Variants in TBC1D22B observed in about 807,000 individuals in gnomAD.
TBC1D22B encodes chromosome 6 open reading frame 197.
In TBC1D22B, 32 loss-of-function variants were observed where a neutral mutation model predicts 69.1. The observed-to-expected ratio is 0.46, with a 90% CI of 0.35 to 0.62. The LOEUF is 0.62. Among genes scored for constraint, TBC1D22B ranks in the 20% least tolerant of loss-of-function variants. The pLI is 0.00. For missense variants in TBC1D22B, 462 were observed against 630.9 expected (o/e 0.73, Z 2.87); for synonymous variants, 206 against 229.8 (o/e 0.90, Z 0.94).
rs867279045 is a variant in TBC1D22B at position 37,327,347 on chromosome 6, G to C, written c.1390-3697G>C. On this transcript the variant is annotated intron_variant, in intron 12 of 12. Transcript: ENST00000373491. ...CAAAAAATTAGCCGGGCGTGGTGGT[G>C]GGCGCCTGTAGTCCCAGCTGCTCGG... is the stretch of plus-strand genomic sequence containing the variant. Among the ~76,000 whole-genome samples the C allele has an allele frequency of 3.7e-5, 5 of 134,488 alleles. 1 individual carries two copies. Among genetic ancestry groups the C allele is most frequent in the East Asian group, 2.0e-4 (1 of 4,984 alleles). The allele number at this position is 134,488 out of a possible 152,430, so 88.2% of individuals were successfully genotyped here.
In TBC1D22B at chr6:37,286,946, A is replaced by G. The variant is rs910297714; in HGVS notation, c.802-61A>G. The G allele has an allele frequency of 6.5e-6, 10 of 1,528,954 alleles. No individual in the cohort carries two copies. In the African/African-American group the frequency reaches 1.3e-4, roughly 20 times the overall value. The allele number at this position is 1,528,954 out of a possible 1,614,324, so 94.7% of individuals were successfully genotyped here. On this transcript the variant is annotated intron_variant, in intron 6 of 12. Coordinates refer to ENST00000373491, the MANE Select transcript of TBC1D22B (RefSeq NM_017772.4). ...GGGACAAGAGCGAGACTTCATCTCA[A>G]AAAAACAAAAACAAAAAAAAACTGG...
chr6:37,310,227 C>T (rs926595472), intron 8 of TBC1D22B, among the ~76,000 whole-genome samples: 1 of 142,856 alleles, frequency 7.0e-6, no homozygotes, highest in Non-Finnish European at 1.5e-5. Context: ...TATATACTTA[C>T]ATATATAAAA....
intron 8 of TBC1D22B, among the ~76,000 whole-genome samples, chr6:37,292,803 A>C (rs994392050): frequency 1.1e-4 from 17 of 152,136 alleles, no homozygotes; most frequent in African/African-American, 3.9e-4. Flanking sequence ...GCATGTCTTC[A>C]CTTTCTTCAA....
In TBC1D22B at chr6:37,332,373, C is replaced by T. The variant is rs2295244; in HGVS notation, c.*1201C>T. On this transcript the variant is annotated 3_prime_UTR_variant, in exon 13 of 13. Coordinates refer to ENST00000373491, the MANE Select transcript of TBC1D22B (RefSeq NM_017772.4). ...CAAGCCCTCTCTATGTGTTTTTATC[C>T]CCACCTTCCCCGGAATCTGGGGAGG... 104,804 of 152,368 alleles carry T rather than the reference C, an allele frequency of 0.69. 36,134 individuals are homozygous for T. Among genetic ancestry groups the T allele is most frequent in the East Asian group, 0.83 (4,308 of 5,170 alleles). The allele number at this position is 152,368 out of a possible 1,614,324, so 9.4% of individuals were successfully genotyped here. A position where few individuals can be genotyped will look rare whatever the true frequency, so the allele number is the denominator to read the frequency against.
At chr6:37,330,362 C>T (rs748909145) in intron 12 of TBC1D22B, among the ~76,000 whole-genome samples, 3 of 151,272 alleles carry the variant, frequency 2.0e-5, no homozygotes, top group Admixed American at 6.6e-5. Context: ...CCTCAGCCTC[C>T]CAAGTAGCTG....
chr6:37,296,895 C>T (rs541645936), intron 8 of TBC1D22B, among the ~76,000 whole-genome samples: 1 of 152,076 alleles, frequency 6.6e-6, no homozygotes, highest in South Asian at 2.1e-4. Context: ...GGCACGATCT[C>T]AGCTCACTGC....
chr6:37,267,406 TA>T (rs1766326032), intron 1 of TBC1D22B, among the ~76,000 whole-genome samples: 2 of 138,664 alleles, frequency 1.4e-5, no homozygotes, highest in Middle Eastern at 3.4e-3. Flanking sequence ...CACACATATA[TA>T]ATATATATAT....
At chr6:37,291,976 G>C (rs1007669835) in intron 8 of TBC1D22B, among the ~76,000 whole-genome samples, 6 of 152,222 alleles carry the variant, frequency 3.9e-5, no homozygotes, top group African/African-American at 1.4e-4. Flanking sequence ...GAGTCTTAAA[G>C]GAGTTGAGGA....
intron 1 of TBC1D22B, among the ~76,000 whole-genome samples, chr6:37,264,893 G>A (rs1246537566): frequency 6.6e-6 from 1 of 152,190 alleles, no homozygotes; most frequent in Non-Finnish European, 1.5e-5. Context: ...TTAGAGCTGA[G>A]TTTGGGTTTG....
chr6:37,315,965 T>C (rs987043424), intron 10 of TBC1D22B, among the ~76,000 whole-genome samples: 2 of 152,248 alleles, frequency 1.3e-5, no homozygotes, highest in Admixed American at 6.5e-5. Context: ...TTGTGTGTTC[T>C]CATTTATCTT....
At chr6:37,299,210 C>A (rs2113763227) in intron 8 of TBC1D22B, among the ~76,000 whole-genome samples, 1 of 152,220 alleles carries the variant, frequency 6.6e-6, no homozygotes, top group South Asian at 2.1e-4. Flanking sequence ...TTATCATTTT[C>A]TTTTGTGGTC....
chr6:37,263,195 A>G (rs754276977), intron 1 of TBC1D22B, among the ~76,000 whole-genome samples: 9 of 152,228 alleles, frequency 5.9e-5, no homozygotes, highest in Non-Finnish European at 1.3e-4. Flanking sequence ...TGGCACCACT[A>G]TGGCTTTCTA....
intron 12 of TBC1D22B, among the ~76,000 whole-genome samples, chr6:37,327,474 A>T (rs9470552): frequency 0.85 from 56,602 of 66,228 alleles, 24,144 homozygotes; most frequent in Middle Eastern, 0.92. Flanking sequence ...CCAGACTCCG[A>T]CTCAAAAAAA....
At chr6:37,290,361 C>T (rs1309263897) in intron 7 of TBC1D22B, among the ~76,000 whole-genome samples, 1 of 152,194 alleles carries the variant, frequency 6.6e-6, no homozygotes, top group Non-Finnish European at 1.5e-5. Flanking sequence ...ATGTGTCAGA[C>T]TTGGGAATTG....
chr6:37,286,909 A>G, intron 6 of TBC1D22B, 98 bp from the exon 7 acceptor site: 1 of 1,062,674 alleles, frequency 9.4e-7, no homozygotes, highest in South Asian at 1.4e-5. Flanking sequence ...GTGCCATTGC[A>G]CTCCAGCCTG....
At chr6:37,296,707 C>T (rs753943429) in intron 8 of TBC1D22B, among the ~76,000 whole-genome samples, 1 of 152,152 alleles carries the variant, frequency 6.6e-6, no homozygotes, top group Admixed American at 6.6e-5. Flanking sequence ...TATTTTGAAG[C>T]AAATCTCAAT....
intron 1 of TBC1D22B, 148 bp from the exon 2 acceptor site, chr6:37,269,446 C>G: frequency 2.9e-6 from 2 of 701,680 alleles, no homozygotes; most frequent in Non-Finnish European, 4.9e-6. Context: ...GGGTAGATTG[C>G]TCTCTTTGGG....
In TBC1D22B at chr6:37,294,283, G is replaced by GC. The variant is rs537585674; in HGVS notation, c.982+2930dup. Among the ~76,000 whole-genome samples the GC allele has an allele frequency of 5.6e-3, 849 of 152,052 alleles. 9 individuals carry two copies. Among genetic ancestry groups the GC allele is most frequent in the African/African-American group, 0.017 (693 of 41,458 alleles). ...ATACTCTGGCTAAAGCAATCCTCCT[G>GC]CCCCTCCGAGTAGCTAGAACTGCAG... On this transcript the variant is annotated intron_variant, in intron 8 of 12. Transcript: ENST00000373491.
rs867323158 is a variant in TBC1D22B at position 37,298,609 on chromosome 6, G to A, written c.982+7252G>A. Among the ~76,000 whole-genome samples the A allele has an allele frequency of 4.5e-5, 6 of 133,840 alleles. No homozygotes were observed. In the South Asian group the frequency reaches 1.5e-3, roughly 33 times the overall value. The allele number at this position is 133,840 out of a possible 152,430, so 87.8% of individuals were successfully genotyped here. A position where few individuals can be genotyped will look rare whatever the true frequency, so the allele number is the denominator to read the frequency against. On this transcript the variant is annotated intron_variant, in intron 8 of 12. Transcript: ENST00000373491. ...TGCCCAAGCCGGAGTGCAGTGGCGC[G>A]ATCTCGGCTCACTGCAAGCTCCGCC...
Sources: gnomAD v4.1 joint callset for allele counts (sites outside exome capture counted in the v4.1 genomes callset) on GRCh38, gnomAD v4.1.1 for gene constraint, MANE v1.5 for transcripts, NCBI Gene and HGNC (gene_info 2026-07-23, HGNC 2026-07-21) for gene names.